Variants in PAX5 observed in about 807,000 individuals in gnomAD.
PAX5 encodes paired box protein Pax-5.
In PAX5, 9 loss-of-function variants were observed where a neutral mutation model predicts 43.7. The observed-to-expected ratio is 0.21, with a 90% CI of 0.12 to 0.36. The LOEUF (loss-of-function observed/expected upper bound fraction) is 0.36. Ranked by LOEUF, PAX5 falls within the 10% of genes least tolerant of loss-of-function variation. The pLI, the probability that PAX5 is intolerant of heterozygous loss-of-function variation, is 1.00. For synonymous variants in PAX5, 228 were observed against 214.3 expected (o/e 1.06, Z -0.56); for missense variants, 383 against 532.7 (o/e 0.72, Z 2.77).
At chr9:37,001,406 T>C (rs1439818799) in intron 5 of PAX5, among the ~76,000 whole-genome samples, 1 of 152,030 alleles carries the variant, frequency 6.6e-6, no homozygotes, top group Non-Finnish European at 1.5e-5. Flanking sequence ...GATGATACCA[T>C]CAACCTCATA....
rs780038639 is a variant in PAX5 at position 37,006,459 on chromosome 9, A to G, written c.475+14T>C. On this transcript the variant is annotated intron_variant, in intron 4 of 9. Transcript: ENST00000358127. ...CCATTAGATTTTTAAATTTTTTTTA[A>G]AAGTTCCTCTTACCTATGCTGTGAC... 49 of 1,605,822 alleles carry G rather than the reference A, an allele frequency of 3.1e-5. No individual in the cohort carries two copies. Among genetic ancestry groups the G allele is most frequent in the Non-Finnish European group, 4.0e-5 (47 of 1,173,560 alleles).
chr9:37,033,938 G>A lies in PAX5; in HGVS notation c.46+48C>T, dbSNP rs202137613. On this transcript the variant is annotated intron_variant, in intron 1 of 9. Transcript: ENST00000358127. ...TCACCCTGCGTGGGGACCAAGGCCT[G>A]GCCGTGTCCCGGAGTTTGCACATCT... 151 of 1,597,170 alleles carry A rather than the reference G, an allele frequency of 9.5e-5. 1 individual carries two copies. The East Asian group carries it at 3.2e-3, about 34-fold the overall frequency.
At chr9:36,931,141 G>T (rs1831085189) in intron 6 of PAX5, among the ~76,000 whole-genome samples, 1 of 152,218 alleles carries the variant, frequency 6.6e-6, no homozygotes, top group Non-Finnish European at 1.5e-5. Context: ...CTGGGCCAGA[G>T]CCAGGCCAAC....
chr9:36,992,453 G>A (rs1305770199), intron 5 of PAX5, among the ~76,000 whole-genome samples: 1 of 152,216 alleles, frequency 6.6e-6, no homozygotes, highest in Non-Finnish European at 1.5e-5. Context: ...GCTCTCGGGT[G>A]GCACGAGCTG....
chr9:36,984,933 C>G (rs1325171326), intron 5 of PAX5, among the ~76,000 whole-genome samples: 3 of 152,182 alleles, frequency 2.0e-5, no homozygotes, highest in Admixed American at 2.0e-4. Flanking sequence ...GGAGCAGGGA[C>G]CTGGGTCCCT....
chr9:36,999,115 G>A (rs1383899836), intron 5 of PAX5, among the ~76,000 whole-genome samples: 1 of 152,108 alleles, frequency 6.6e-6, no homozygotes, highest in Non-Finnish European at 1.5e-5. Context: ...CTCCCTAAAT[G>A]CTTCTAGACT....
chr9:36,950,520 A>C (rs1366153358), intron 6 of PAX5, among the ~76,000 whole-genome samples: 34 of 152,074 alleles, frequency 2.2e-4, no homozygotes, highest in Admixed American at 2.2e-3. Context: ...CCCACACCAG[A>C]CACTCTCAGC....
chr9:36,853,050 T>A (rs2376374), intron 8 of PAX5, among the ~76,000 whole-genome samples: 144,509 of 152,272 alleles, frequency 0.95, 69,007 homozygotes, highest in East Asian at 1. Flanking sequence ...TGTAGCCACC[T>A]CCTAATTCTA....
chr9:37,015,329 G>T lies in PAX5; in HGVS notation c.213-135C>A. ...ATACAGTAGCCACCAGCCAGATGCGGCTTTTGAACATTTGAAATATGGCTA... is the reference window on the plus strand; with the variant it reads ...ATACAGTAGCCACCAGCCAGATGCGTCTTTTGAACATTTGAAATATGGCTA... On this transcript the variant is annotated intron_variant, in intron 2 of 9. Coordinates refer to ENST00000358127, the MANE Select transcript of PAX5 (RefSeq NM_016734.3). This position sits in a 1 kb window ranked among gnomAD's most constrained non-coding sequence, Gnocchi z 4.4. The T allele has an allele frequency of 1.5e-6, 1 of 688,858 alleles. No individual in the cohort carries two copies. The highest frequency in any genetic ancestry group is 2.5e-6 in the Non-Finnish European group (1 of 401,160). The allele number at this position is 688,858 out of a possible 1,614,324, so 42.7% of individuals were successfully genotyped here.
intron 8 of PAX5, among the ~76,000 whole-genome samples, chr9:36,864,840 C>T (rs548774656): frequency 7.9e-5 from 12 of 152,300 alleles, no homozygotes; most frequent in East Asian, 7.8e-4. Context: ...GCGCCGGAGC[C>T]GGGCTGTCAG....
intron 5 of PAX5, among the ~76,000 whole-genome samples, chr9:36,997,121 GCCC>G (rs1837462397): frequency 6.6e-6 from 1 of 152,060 alleles, no homozygotes; most frequent in Admixed American, 6.6e-5. Context: ...CTGGCTAAAT[GCCC>G]CCCAACAAAC....
At chr9:36,886,689 A>G (rs1472941412) in intron 7 of PAX5, among the ~76,000 whole-genome samples, 2 of 152,112 alleles carry the variant, frequency 1.3e-5, no homozygotes, top group East Asian at 3.9e-4. Context: ...TTTTTTTTTA[A>G]CCAAGGAAGA....
intron 8 of PAX5, among the ~76,000 whole-genome samples, chr9:36,848,533 G>A (rs546291843): frequency 3.9e-4 from 60 of 152,232 alleles, no homozygotes; most frequent in Admixed American, 3.3e-3. Context: ...GCAGCCGCCC[G>A]GCTCCGGCAT....
At chr9:36,957,842 C>T (rs1046405615) in intron 6 of PAX5, among the ~76,000 whole-genome samples, 1 of 152,160 alleles carries the variant, frequency 6.6e-6, no homozygotes, top group Admixed American at 6.5e-5. Flanking sequence ...GAGAAGTCAA[C>T]GCAAACTACG....
In PAX5 at chr9:36,835,219, G is replaced by A. The variant is rs1250213983; in HGVS notation, c.*5341C>T. 8.6e-6 allele frequency: 2 copies of A among 233,196 alleles called. No individual in the cohort carries two copies. Among genetic ancestry groups the A allele is most frequent in the Non-Finnish European group, 8.5e-6 (1 of 118,058 alleles). 14.4% of individuals were successfully genotyped at this position (233,196 alleles called of 1,614,324 possible). ...CCCATCTTGGAGATGAGCTAAAGGG[G>A]ACCCCTTGGATTGAAACTCTAGAAT... On this transcript the variant is annotated 3_prime_UTR_variant, in exon 10 of 10. Coordinates refer to ENST00000358127, the MANE Select transcript of PAX5 (RefSeq NM_016734.3).
chr9:36,915,189 G>A (rs570382909), intron 7 of PAX5, among the ~76,000 whole-genome samples: 3 of 152,270 alleles, frequency 2.0e-5, no homozygotes, highest in South Asian at 4.1e-4. Context: ...ACGTATAAAA[G>A]TTCTGAGTCA....
At chr9:37,031,134 G>A (rs1840939506) in intron 1 of PAX5, among the ~76,000 whole-genome samples, 2 of 152,194 alleles carry the variant, frequency 1.3e-5, no homozygotes, top group South Asian at 4.1e-4. Flanking sequence ...AGTTCTTGAA[G>A]AGGATGGAGA....
chr9:36,881,866 G>A lies in PAX5; in HGVS notation c.1012+138C>T, dbSNP rs1423135045. ...GGCCCACTGCAGGCCCAGCTGCAGA[G>A]AGTGCAGACCTCTGCCTGATTTATT... On this transcript the variant is annotated intron_variant, in intron 8 of 9. Coordinates refer to ENST00000358127, the MANE Select transcript of PAX5 (RefSeq NM_016734.3). 13 of 696,592 alleles carry A rather than the reference G, an allele frequency of 1.9e-5. No individual in the cohort carries two copies. The Admixed American group carries it at 2.9e-4, about 16-fold the overall frequency. The allele number at this position is 696,592 out of a possible 1,614,324, so 43.2% of individuals were successfully genotyped here.
chr9:37,005,069 C>T (rs1838274602), intron 4 of PAX5, among the ~76,000 whole-genome samples: 1 of 152,210 alleles, frequency 6.6e-6, no homozygotes, highest in African/African-American at 2.4e-5. Flanking sequence ...CAGTTATACC[C>T]ATTTGATTTT....
Sources: gnomAD v4.1 joint callset for allele counts (sites outside exome capture counted in the v4.1 genomes callset) on GRCh38, gnomAD v4.1.1 for gene constraint, Gnocchi (gnomAD v3.1) non-coding constraint, MANE v1.5 for transcripts, NCBI Gene and HGNC (gene_info 2026-07-23, HGNC 2026-07-21) for gene names.